LRRTM4: variants seen among roughly 807,000 people sequenced by gnomAD.
LRRTM4 encodes leucine rich repeat transmembrane neuronal 4, also known as leucine-rich repeat transmembrane neuronal protein 4.
In LRRTM4, 25 loss-of-function variants were observed where a neutral mutation model predicts 47.6. The observed-to-expected ratio is 0.53, with a 90% CI of 0.38 to 0.73. LRRTM4 has a LOEUF of 0.73. LRRTM4 is among the 30% of genes least tolerant of loss of function. LRRTM4 has a pLI of 0.00. For synonymous variants in LRRTM4, 311 were observed against 269.5 expected (o/e 1.15, Z -1.51); for missense variants, 638 against 713.4 (o/e 0.89, Z 1.20).
At chr2:76,865,398 C>CATTTA (rs1672436605) in intron 3 of LRRTM4, among the ~76,000 whole-genome samples, 2 of 152,030 alleles carry the variant, frequency 1.3e-5, no homozygotes, top group Non-Finnish European at 2.9e-5. Context: ...TTTACATGGC[C>CATTTA]CACCTAGCTC....
chr2:77,030,832 G>A (rs1315269114), intron 3 of LRRTM4, among the ~76,000 whole-genome samples: 1 of 152,090 alleles, frequency 6.6e-6, no homozygotes, highest in East Asian at 1.9e-4. Flanking sequence ...CACAAAATTT[G>A]TATCAACATG....
chr2:76,851,287 C>T (rs1314435869), intron 3 of LRRTM4, among the ~76,000 whole-genome samples: 1 of 152,090 alleles, frequency 6.6e-6, no homozygotes, highest in Admixed American at 6.6e-5. Context: ...CATTTTTCTT[C>T]CAAGTGCAAT....
chr2:76,795,241 CTTTA>C (rs1288249701), intron 3 of LRRTM4, among the ~76,000 whole-genome samples: 4,362 of 152,124 alleles, frequency 0.029, no homozygotes, highest in African/African-American at 0.086. Flanking sequence ...GTGTTTTGTA[CTTTA>C]AAAATCATTT....
intron 3 of LRRTM4, among the ~76,000 whole-genome samples, chr2:76,942,999 A>T (rs942558663): frequency 6.6e-6 from 1 of 152,186 alleles, no homozygotes. Flanking sequence ...TATACAAAAG[A>T]ACAAGAGCAA....
At chr2:77,341,554 T>C (rs988760064) in intron 3 of LRRTM4, among the ~76,000 whole-genome samples, 1 of 152,080 alleles carries the variant, frequency 6.6e-6, no homozygotes, top group Non-Finnish European at 1.5e-5. Context: ...AACTTTTCCC[T>C]TGCTGCTGGC....
intron 3 of LRRTM4, among the ~76,000 whole-genome samples, chr2:76,898,181 C>G (rs912303054): frequency 6.7e-6 from 1 of 149,816 alleles, no homozygotes; most frequent in East Asian, 2.0e-4. Flanking sequence ...AATACATGCT[C>G]ATTATGTAGA....
chr2:76,819,236 A>G (rs1280724338), intron 3 of LRRTM4, among the ~76,000 whole-genome samples: 1 of 141,190 alleles, frequency 7.1e-6, no homozygotes, highest in African/African-American at 2.6e-5. Flanking sequence ...ATATTATATC[A>G]TAGAATGTTT....
chr2:77,121,524 A>G (rs1671521079), intron 3 of LRRTM4, among the ~76,000 whole-genome samples: 1 of 151,888 alleles, frequency 6.6e-6, no homozygotes, highest in Non-Finnish European at 1.5e-5. Context: ...TGAATTTACA[A>G]TGTAGATAGG....
At chr2:76,947,302 T>C (rs1675353429) in intron 3 of LRRTM4, among the ~76,000 whole-genome samples, 1 of 151,902 alleles carries the variant, frequency 6.6e-6, no homozygotes, top group Non-Finnish European at 1.5e-5. Context: ...TTATTAACAC[T>C]ATCTTCATTT....
intron 3 of LRRTM4, among the ~76,000 whole-genome samples, chr2:76,941,140 T>C (rs1675128623): frequency 6.6e-6 from 1 of 151,996 alleles, no homozygotes; most frequent in Non-Finnish European, 1.5e-5. Flanking sequence ...ATATGTAAAA[T>C]ATTATTTCAG....
At chr2:77,036,994 G>A (rs1415508049) in intron 3 of LRRTM4, among the ~76,000 whole-genome samples, 2 of 151,568 alleles carry the variant, frequency 1.3e-5, no homozygotes, top group Non-Finnish European at 3.0e-5. Context: ...TGCCTAGCAT[G>A]CTAGGGATTC....
chr2:76,910,919 G>A (rs909007705), intron 3 of LRRTM4, among the ~76,000 whole-genome samples: 3 of 152,130 alleles, frequency 2.0e-5, no homozygotes, highest in East Asian at 1.9e-4. Flanking sequence ...ATGCTGATGT[G>A]CTTAATGGTA....
chr2:77,429,832 G>A (rs1051147794), intron 3 of LRRTM4, among the ~76,000 whole-genome samples: 4 of 152,182 alleles, frequency 2.6e-5, no homozygotes, highest in East Asian at 1.9e-4. Flanking sequence ...TTGTGAGGCC[G>A]AGGCGGGTGG....
intron 3 of LRRTM4, among the ~76,000 whole-genome samples, chr2:77,113,796 C>T (rs897154002): frequency 1.3e-5 from 2 of 151,946 alleles, no homozygotes; most frequent in Non-Finnish European, 2.9e-5. Flanking sequence ...GGGGGAAGGG[C>T]CTGCAGAATT....
rs375250873 is a variant in LRRTM4 at position 76,988,284 on chromosome 2, A to G, written c.1552-239368T>C. 8.6e-5 allele frequency among the ~76,000 whole-genome samples: 13 copies of G among 152,006 alleles called. 1 individual carries two copies. The East Asian group carries it at 1.9e-3, about 23-fold the overall frequency. ...TAGCAAGTCTCCTTAAGCACAAGGA[A>G]AGAAAAGAGTAGAATGAATCCTTTA... On this transcript the variant is annotated intron_variant, in intron 3 of 3. Transcript: ENST00000409884.
At chr2:77,187,430 C>T (rs1425796783) in intron 3 of LRRTM4, among the ~76,000 whole-genome samples, 1 of 140,478 alleles carries the variant, frequency 7.1e-6, no homozygotes, top group Non-Finnish European at 1.5e-5. Context: ...ACAATGAGAA[C>T]ACATGGACAC....
intron 3 of LRRTM4, among the ~76,000 whole-genome samples, chr2:77,167,637 T>A (rs1035655749): frequency 6.6e-6 from 1 of 152,092 alleles, no homozygotes; most frequent in Non-Finnish European, 1.5e-5. Flanking sequence ...AAATGATGAG[T>A]TCATGCCCTT....
At chr2:76,793,640 AAAAGAGGG>A (rs1483856106) in intron 3 of LRRTM4, among the ~76,000 whole-genome samples, 2 of 152,136 alleles carry the variant, frequency 1.3e-5, no homozygotes, top group African/African-American at 4.8e-5. Context: ...GAAAAAGCGC[AAAAGAGGG>A]AACACAGGAT....
At chr2:76,879,045 A>G (rs544520150) in intron 3 of LRRTM4, among the ~76,000 whole-genome samples, 41 of 152,322 alleles carry the variant, frequency 2.7e-4, no homozygotes, top group African/African-American at 9.6e-4. Context: ...AAGCTAGCAG[A>G]GGCTGGTTCA....
Sources: gnomAD v4.1 joint callset for allele counts (sites outside exome capture counted in the v4.1 genomes callset) on GRCh38, gnomAD v4.1.1 for gene constraint, MANE v1.5 for transcripts, NCBI Gene and HGNC (gene_info 2026-07-23, HGNC 2026-07-21) for gene names.